CCDC9B: variants seen among roughly 807,000 people sequenced by gnomAD.
The protein encoded by CCDC9B is coiled-coil domain-containing protein 9B.
Under a neutral mutation model 47.2 loss-of-function variants are expected in CCDC9B, and 40 were observed. The ratio of observed to expected loss-of-function variants is 0.85; its 90% confidence interval spans 0.66 to 1.10. The LOEUF is 1.10. Ranked by LOEUF, CCDC9B falls within the 50% of genes least tolerant of loss-of-function variation. The pLI, the probability that CCDC9B is intolerant of heterozygous loss-of-function variation, is 0.00. For missense variants in CCDC9B, 662 were observed against 651.0 expected (o/e 1.02, Z -0.18); for synonymous variants, 238 against 250.7 (o/e 0.95, Z 0.48).
chr15:40,335,735 T>A, intron 10 of CCDC9B, 35 bp from the exon 11 acceptor site: 1 of 1,591,558 alleles, frequency 6.3e-7, no homozygotes, highest in Non-Finnish European at 8.6e-7. Flanking sequence ...GGCTGATGAA[T>A]CCAGGGCTCG....
At chr15:40,336,920 G>C in intron 7 of CCDC9B, 107 bp from the exon 8 acceptor site, 1 of 1,201,554 alleles carries the variant, frequency 8.3e-7, no homozygotes, top group South Asian at 1.3e-5. Flanking sequence ...GGCCAGTCGT[G>C]GGTTTTGCCT....
At chr15:40,335,745 G>A (rs372561365) in intron 10 of CCDC9B, 39 bp downstream of exon 10, 132 of 1,598,590 alleles carry the variant, frequency 8.3e-5, no homozygotes, top group African/African-American at 3.3e-4. Flanking sequence ...TCCAGGGCTC[G>A]CGTCCCCAGC....
At chr15:40,339,807 C>G in intron 2 of CCDC9B, 98 bp downstream of exon 2, 2 of 1,398,326 alleles carry the variant, frequency 1.4e-6, no homozygotes, top group South Asian at 2.5e-5. Context: ...GCCCCAGCCC[C>G]AGAGGCGCAT....
In CCDC9B at chr15:40,338,896, C is replaced by T. The variant is rs202159905; in HGVS notation, c.239G>A (p.Arg80Gln). Reference protein sequence around the residue: ...VTISQVPGEKRVVSRNWARGT... With the variant: ...VTISQVPGEKQVVSRNWARGT... ...CCTTGCCCAGTTCCTGCTAACCACC[C>T]GCTTTTCCTGCAGAACAAAGACCCT... The change falls in exon 4 of 11, where the codon CGG (arginine) becomes CAG (glutamine). Residue 80 changes from arginine (R) to glutamine (Q), a missense_variant. Physicochemically the swap from Arg to Gln is conservative, Grantham distance 43. Coordinates refer to ENST00000397536, the MANE Select transcript of CCDC9B (RefSeq NM_207380.3). 21 of 1,614,170 alleles carry T rather than the reference C, an allele frequency of 1.3e-5. No individual in the cohort carries two copies. The South Asian group carries it at 1.3e-4, about 10-fold the overall frequency.
In CCDC9B at chr15:40,339,993, G is replaced by A. The variant is rs1889054891; in HGVS notation, c.35C>T (p.Pro12Leu). 1 of 1,613,338 alleles carries A rather than the reference G, an allele frequency of 6.2e-7. No homozygotes were observed. The highest frequency in any genetic ancestry group is 1.3e-5 in the African/African-American group (1 of 74,918). ...TGCGTCCTTCTCCTGCCTGCTCATG[G>A]GGGACTCGGCTCTGGGAGTTCCCTG... ...HSAGTPRAES[P>L]MSRQEKDAEL... Residue 12 changes from proline to leucine, a missense_variant, in exon 2 of 11, where the codon CCC becomes CTC. Pro to Leu is a moderately conservative substitution (Grantham distance 98). Coordinates refer to ENST00000397536, the MANE Select transcript of CCDC9B (RefSeq NM_207380.3).
chr15:40,338,130 C>T (rs1889006602), intron 5 of CCDC9B: 1 of 723,622 alleles, frequency 1.4e-6, no homozygotes, highest in Non-Finnish European at 2.6e-6. Context: ...ATCTCCGTAG[C>T]ACCAACCCAC....
rs566320895 is a variant in CCDC9B, at chr15:40,333,364, T to G, written c.*1794A>C. 9 of 151,994 alleles carry G rather than the reference T, an allele frequency of 5.9e-5. No homozygotes were observed. Among genetic ancestry groups the G allele is most frequent in the African/African-American group, 2.2e-4 (9 of 41,378 alleles). 9.4% of individuals were successfully genotyped at this position (151,994 alleles called of 1,614,324 possible). On this transcript the variant is annotated 3_prime_UTR_variant, in exon 11 of 11. Coordinates refer to ENST00000397536, the MANE Select transcript of CCDC9B (RefSeq NM_207380.3). ...GAGCAGATTGCTTGAGCCCAGGAGT[T>G]GGAGACCAGCCTGGGCAACATGGTG...
rs776647540 is a variant in CCDC9B at position 40,335,818 on chromosome 15, A to T, written c.896T>A (p.Met299Lys). The change falls in exon 10 of 11, where the codon ATG (methionine) becomes AAG (lysine). Residue 299 changes from methionine (M) to lysine (K), a missense_variant. Transcript: ENST00000397536. ...TTCCAGCTCCTCCTTGTCTTCCTTCATATCCCACCTGTAGAAACACAGCTC... is the reference window on the plus strand; with the variant it reads ...TTCCAGCTCCTCCTTGTCTTCCTTCTTATCCCACCTGTAGAAACACAGCTC... The part of the protein sequence containing the change: ...RLTGRARRWD[M>K]KEDKEELEGQ... 1.2e-6 allele frequency: 2 copies of T among 1,610,890 alleles called. No homozygotes were observed. Among genetic ancestry groups the T allele is most frequent in the Non-Finnish European group, 1.7e-6 (2 of 1,178,580 alleles).
intron 6 of CCDC9B, 44 bp downstream of exon 6, chr15:40,337,680 C>T (rs770719754): frequency 2.7e-5 from 42 of 1,549,210 alleles, no homozygotes; most frequent in Non-Finnish European, 3.6e-5. Context: ...CCGAAGCCAG[C>T]TCCATCCCGC....
Position 40,338,843 on chromosome 15 carries a change from CGTT to C in CCDC9B, c.289_291del (p.Asn97del). The C allele has an allele frequency of 6.2e-7, 1 of 1,614,216 alleles. No homozygotes were observed. Among genetic ancestry groups the C allele is most frequent in the Non-Finnish European group, 8.5e-7 (1 of 1,180,028 alleles). On this transcript the variant is annotated inframe_deletion, in exon 4 of 11. Coordinates refer to ENST00000397536, the MANE Select transcript of CCDC9B (RefSeq NM_207380.3). ...TCAGCATCCTCATCCTCAAGCATCT[CGTT>C]GGTCACTCTGGGTCCACAGGTACCC... is the stretch of plus-strand genomic sequence containing the variant.
Position 40,337,717 on chromosome 15 carries a change from C to A in CCDC9B, c.683+7G>T. On this transcript the variant is annotated splice_region_variant and intron_variant, in intron 6 of 10. Transcript: ENST00000397536. Reference sequence around the variant, plus strand: ...CCACAGGCAACCTGCCCAACCCAGCCACCCACGTGGACTTGGCCTTGTCCA... The same window carrying A: ...CCACAGGCAACCTGCCCAACCCAGCAACCCACGTGGACTTGGCCTTGTCCA... 1.3e-6 allele frequency: 2 copies of A among 1,585,956 alleles called. No homozygotes were observed. The highest frequency in any genetic ancestry group is 1.7e-6 in the Non-Finnish European group (2 of 1,169,068).
chr15:40,335,729 G>A (rs775375668), intron 10 of CCDC9B, 29 bp from the exon 11 acceptor site: 1 of 1,587,318 alleles, frequency 6.3e-7, no homozygotes, highest in Non-Finnish European at 8.6e-7. Context: ...CCCGGTGGCT[G>A]ATGAATCCAG....
In CCDC9B at chr15:40,338,659, C is replaced by T; in HGVS notation, c.389G>A (p.Gly130Asp). 1.2e-6 allele frequency: 2 copies of T among 1,613,988 alleles called. No homozygotes were observed. Among genetic ancestry groups the T allele is most frequent in the South Asian group, 1.1e-5 (1 of 91,056 alleles). The change falls in exon 5 of 11, where the codon GGC becomes GAC. Residue 130 changes from glycine (G) to aspartate (D), a missense_variant and splice_region_variant. Coordinates refer to ENST00000397536, the MANE Select transcript of CCDC9B (RefSeq NM_207380.3). The stretch of plus-strand genomic sequence containing the variant: ...AGGCTTTTCACTTACAATCCGTTTG[C>T]CCTGGGGAGGATGAAGATGGGCAGT... The part of the protein sequence containing the change: ...LAVTMENKAE[G>D]KRIVSEKPTR...
In CCDC9B at chr15:40,339,529, T is replaced by C. The variant is rs748806009; in HGVS notation, c.214A>G (p.Ile72Val). ...LLQPDGLTVT[I>V]SQVPGEKRVV... ...AGGCTTACACCGGGAACCTGGCTGA[T>C]GGTAACGGTGAGGCCATCAGGCTGG... Residue 72 changes from isoleucine to valine, a missense_variant, in exon 3 of 11, where the codon ATC (isoleucine) becomes GTC (valine). By Grantham distance (29) the Ile-to-Val change is conservative (BLOSUM62 3). Transcript: ENST00000397536. 1.2e-6 allele frequency: 2 copies of C among 1,613,734 alleles called. No individual in the cohort carries two copies. Among genetic ancestry groups the C allele is most frequent in the East Asian group, 2.2e-5 (1 of 44,862 alleles).
At position 40,336,084 on chromosome 15, in the gene CCDC9B, C is replaced by T. The variant is rs1195659965; in HGVS notation, c.888-258G>A. 5.1e-6 allele frequency: 5 copies of T among 985,304 alleles called. No individual in the cohort carries two copies. The Admixed American group carries it at 1.8e-4, about 36-fold the overall frequency. 61.0% of individuals were successfully genotyped at this position (985,304 alleles called of 1,614,324 possible). A position where few individuals can be genotyped will look rare whatever the true frequency, so the allele number is the denominator to read the frequency against. The stretch of plus-strand genomic sequence containing the variant: ...GGGGCCTCCACCTCCTCTGGGCCTC[C>T]ATCTCCTTGCCAAAGAAACTCCTGG... On this transcript the variant is annotated intron_variant, in intron 9 of 10. Transcript: ENST00000397536.
In CCDC9B at chr15:40,333,092, C is replaced by T. The variant is rs1436749424; in HGVS notation, c.*2066G>A. The T allele has an allele frequency of 6.6e-6, 1 of 152,432 alleles. No homozygotes were observed. Among genetic ancestry groups the T allele is most frequent in the East Asian group, 1.9e-4 (1 of 5,192 alleles). The allele number at this position is 152,432 out of a possible 1,614,324, so 9.4% of individuals were successfully genotyped here. A position where few individuals can be genotyped will look rare whatever the true frequency, so the allele number is the denominator to read the frequency against. On this transcript the variant is annotated 3_prime_UTR_variant, in exon 11 of 11. Coordinates refer to ENST00000397536, the MANE Select transcript of CCDC9B (RefSeq NM_207380.3). ...CAAGTCTCCCACCCAACTCTGCAGC[C>T]AGGAAGCCCCCACCACCTGACAGGG...
rs1888889917 is a variant in CCDC9B, at chr15:40,333,178, T to TG, written c.*1979_*1980insC. ...AACCTTTAGAGTCTAGAGTCTGTCT[T>TG]CACCCCCAGCCCTTCATATATTCTA... On this transcript the variant is annotated 3_prime_UTR_variant, in exon 11 of 11. Coordinates refer to ENST00000397536, the MANE Select transcript of CCDC9B (RefSeq NM_207380.3). The TG allele has an allele frequency of 6.6e-6, 1 of 152,202 alleles. No individual in the cohort carries two copies. The highest frequency in any genetic ancestry group is 1.5e-5 in the Non-Finnish European group (1 of 68,080). The allele number at this position is 152,202 out of a possible 1,614,324, so 9.4% of individuals were successfully genotyped here.
In CCDC9B at chr15:40,331,877, A is replaced by C. The variant is rs1888867145; in HGVS notation, c.*3281T>G. The C allele has an allele frequency of 6.6e-6, 1 of 152,480 alleles. No individual in the cohort carries two copies. Among genetic ancestry groups the C allele is most frequent in the Non-Finnish European group, 1.5e-5 (1 of 68,036 alleles). The allele number at this position is 152,480 out of a possible 1,614,324, so 9.4% of individuals were successfully genotyped here. A position where few individuals can be genotyped will look rare whatever the true frequency, so the allele number is the denominator to read the frequency against. On this transcript the variant is annotated 3_prime_UTR_variant, in exon 11 of 11. Transcript: ENST00000397536. ...TCATCAAAACACATGTCTTTCTTGC[A>C]GGCTGGTCTATTGCATTTCCGTCCC...
chr15:40,339,925 C>T lies in CCDC9B; in HGVS notation c.103G>A (p.Ala35Thr), dbSNP rs1400401502. 1.9e-6 allele frequency: 3 copies of T among 1,613,476 alleles called. No individual in the cohort carries two copies. The highest frequency in any genetic ancestry group is 2.5e-6 in the Non-Finnish European group (3 of 1,179,528). Residue 35 changes from alanine to threonine, a missense_variant, in exon 2 of 11, where the codon GCC becomes ACC. Coordinates refer to ENST00000397536, the MANE Select transcript of CCDC9B (RefSeq NM_207380.3). ...RIVALRKKNQ[A>T]LLRRYQEIQE... ...CTCACCTGGTACCTGCGGAGCAAGG[C>T]CTGGTTCTTCTTGCGCAGGGCAACT...
Sources: allele counts gnomAD v4.1 joint callset, GRCh38; gene constraint gnomAD v4.1.1; transcripts MANE v1.5; gene names NCBI Gene and HGNC (gene_info 2026-07-23, HGNC 2026-07-21).